The following MME variants were observed in gnomAD, a reference collection of about 807,000 sequenced individuals.
MME encodes the protein neprilysin.
MME carries 98 observed loss-of-function variants against 113.2 expected under a neutral mutation model. The ratio of observed to expected loss-of-function variants is 0.87; its 90% CI spans 0.74 to 1.02. The LOEUF (loss-of-function observed/expected upper bound fraction) is 1.02, where lower values mean the gene tolerates loss of function less well. MME is among the 50% of genes least tolerant of loss of function. The pLI is 0.00. For missense variants in MME, 836 were observed against 896.0 expected, an observed-to-expected ratio of 0.93 and a Z score of 0.86; for synonymous variants, 292 against 300.6, an observed-to-expected ratio of 0.97 and a Z score of 0.30.
chr3:155,177,965 A>T (rs1712719587), intron 22 of MME, among the ~76,000 whole-genome samples: 1 of 152,068 alleles, frequency 6.6e-6, no homozygotes, highest in South Asian at 2.1e-4. Context: ...TCCAATGCTC[A>T]TGAGCTCCAG....
At chr3:155,088,733 A>G (rs1716014618) in intron 3 of MME, among the ~76,000 whole-genome samples, 1 of 152,074 alleles carries the variant, frequency 6.6e-6, no homozygotes, top group Non-Finnish European at 1.5e-5. Context: ...GAGATGTTGA[A>G]AAAATATAAA....
At position 155,116,957 on chromosome 3, in the gene MME, G is replaced by T; in HGVS notation, c.625G>T (p.Asp209Tyr). ...VLINLFVGTD[D>Y]KNSVNHVIHI... ...TATTAATTTGTTTGTTGGCACTGATGATAAGAATTCTGTGAATCATGTAAT... is the reference window on the plus strand; with the variant it reads ...TATTAATTTGTTTGTTGGCACTGATTATAAGAATTCTGTGAATCATGTAAT... Residue 209 changes from aspartate to tyrosine, a missense_variant, in exon 7 of 23, where the codon GAT (aspartate) becomes TAT (tyrosine). Asp to Tyr is a radical substitution (Grantham distance 160). Transcript: ENST00000360490. The T allele has an allele frequency of 6.3e-7, 1 of 1,597,658 alleles. No individual in the cohort carries two copies. Among genetic ancestry groups the T allele is most frequent in the South Asian group, 1.1e-5 (1 of 90,678 alleles).
rs192470418 is a variant in MME, at chr3:155,064,018, T to C, written c.-10-20140T>C. ...AAGAAGTGAAAGAGAAGGCCCAGCA[T>C]GGTGGCTCATGCCTGTAATCTCAGC... On this transcript the variant is annotated intron_variant, in intron 1 of 22. Transcript: ENST00000492661. 1.2e-3 allele frequency among the ~76,000 whole-genome samples: 182 copies of C among 152,086 alleles called. 1 individual carries two copies. Among genetic ancestry groups the C allele is most frequent in the African/African-American group, 4.2e-3 (174 of 41,502 alleles).
chr3:155,076,265 T>G (rs1001447719), upstream of MME, among the ~76,000 whole-genome samples: 2 of 152,206 alleles, frequency 1.3e-5, no homozygotes, highest in Non-Finnish European at 2.9e-5. Context: ...AAAAAGCAAG[T>G]ATATCTATGT....
chr3:155,060,949 TTAA>T (rs1714116184), intron 1 of MME, among the ~76,000 whole-genome samples: 1 of 152,166 alleles, frequency 6.6e-6, no homozygotes, highest in African/African-American at 2.4e-5. Flanking sequence ...ATAACCTCAC[TTAA>T]TTACCTTCGT....
At chr3:155,118,128 A>G (rs1718780981) in intron 7 of MME, among the ~76,000 whole-genome samples, 1 of 152,196 alleles carries the variant, frequency 6.6e-6, no homozygotes, top group African/African-American at 2.4e-5. Context: ...TGAGCAGAGC[A>G]GCTTTGAGGA....
intron 1 of MME, among the ~76,000 whole-genome samples, chr3:155,059,636 G>T (rs1421236799): frequency 6.6e-6 from 1 of 152,016 alleles, no homozygotes; most frequent in African/African-American, 2.4e-5. Flanking sequence ...TTTCATTTAT[G>T]AATGATGATG....
intron 3 of MME, chr3:155,085,623 C>A (rs1348343031): frequency 6.6e-6 from 1 of 152,454 alleles, no homozygotes; most frequent in African/African-American, 2.4e-5. Flanking sequence ...TCTCCGCCTC[C>A]CGGGTTCTAG....
chr3:155,154,829 CG>C (rs1177244175), intron 16 of MME, among the ~76,000 whole-genome samples: 1 of 152,056 alleles, frequency 6.6e-6, no homozygotes, highest in African/African-American at 2.4e-5. Context: ...GGCGGAGCAC[CG>C]GACACTTGAG....
chr3:155,053,996 C>T (rs1335319260), intron 1 of MME, among the ~76,000 whole-genome samples: 3 of 152,128 alleles, frequency 2.0e-5, no homozygotes, highest in East Asian at 1.9e-4. Context: ...TTATCCTATG[C>T]GTGTCCCAGT....
chr3:155,138,009 C>G (rs1720766409), intron 8 of MME, 93 bp from the exon 9 acceptor site: 9 of 1,432,280 alleles, frequency 6.3e-6, no homozygotes. Flanking sequence ...TTATCTATTA[C>G]CAAAAATTAA....
intron 1 of MME, among the ~76,000 whole-genome samples, chr3:155,068,368 A>T (rs941068814): frequency 6.6e-6 from 1 of 152,218 alleles, no homozygotes; most frequent in South Asian, 2.1e-4. Flanking sequence ...TCTTGATTGG[A>T]TGACTCTTTC....
intron 1 of MME, among the ~76,000 whole-genome samples, chr3:155,058,084 C>A (rs1714003089): frequency 6.6e-6 from 1 of 152,034 alleles, no homozygotes; most frequent in African/African-American, 2.4e-5. Flanking sequence ...AGAGAGTCTA[C>A]ACAAAAACAA....
At chr3:155,049,080 T>G (rs1713663422) in intron 1 of MME, among the ~76,000 whole-genome samples, 1 of 152,148 alleles carries the variant, frequency 6.6e-6, no homozygotes, top group Admixed American at 6.6e-5. Context: ...TTATTTTTTA[T>G]TTCAATTTTA....
At chr3:155,040,887 G>A (rs1713292185) in intron 1 of MME, among the ~76,000 whole-genome samples, 1 of 152,102 alleles carries the variant, frequency 6.6e-6, no homozygotes, top group Non-Finnish European at 1.5e-5. Context: ...AAAAGTCAAG[G>A]CAAGGCTGAT....
In MME at chr3:155,166,758, C is replaced by T. The variant is rs1723125557; in HGVS notation, c.1661-144C>T. ...AGCTTAGCAAGCACAAAGCCAACCC[C>T]AAGCCTGCCATCACTGAATAATGCC... is the stretch of plus-strand genomic sequence containing the variant. On this transcript the variant is annotated intron_variant, in intron 17 of 22. Coordinates refer to ENST00000360490, the MANE Select transcript of MME (RefSeq NM_007289.4). The T allele has an allele frequency of 7.7e-6, 8 of 1,034,164 alleles. No individual in the cohort carries two copies. In the South Asian group the frequency reaches 8.0e-5, roughly 10 times the overall value. 64.1% of individuals were successfully genotyped at this position (1,034,164 alleles called of 1,614,324 possible).
Position 155,163,534 on chromosome 3 carries a change from C to T in MME, c.1660+3086C>T, listed in dbSNP as rs74706451. On this transcript the variant is annotated intron_variant, in intron 17 of 22. Coordinates refer to ENST00000360490, the MANE Select transcript of MME (RefSeq NM_007289.4). ...CTGTGCCATGACATTAGGAAAGCTG[C>T]GCTTCAATGTTTTGTCATATGGTTC... Among the ~76,000 whole-genome samples the T allele has an allele frequency of 3.2e-4, 49 of 152,300 alleles. No individual in the cohort carries two copies. In the East Asian group the frequency reaches 4.2e-3, roughly 13 times the overall value.
chr3:155,108,460 G>A lies in MME; in HGVS notation c.197-6534G>A, dbSNP rs1428651921. 3.9e-5 allele frequency among the ~76,000 whole-genome samples: 6 copies of A among 152,192 alleles called. No homozygotes were observed. The East Asian group carries it at 1.2e-3, about 30-fold the overall frequency. On this transcript the variant is annotated intron_variant, in intron 3 of 22. Transcript: ENST00000360490. ...AAAACACAAAAATTAGCCAAGCATG[G>A]TGGCGGGTGCCTGTAATCCCAGCTA...
chr3:155,157,421 T>A (rs1722397888), intron 16 of MME, among the ~76,000 whole-genome samples: 1 of 152,080 alleles, frequency 6.6e-6, no homozygotes, highest in Non-Finnish European at 1.5e-5. Context: ...TATCTATTAT[T>A]TTAGGGGCAA....
Sources: gnomAD v4.1 joint callset for allele counts (sites outside exome capture counted in the v4.1 genomes callset) on GRCh38, gnomAD v4.1.1 for gene constraint, MANE v1.5 for transcripts, NCBI Gene and HGNC (gene_info 2026-07-23, HGNC 2026-07-21) for gene names.